Variants in PARPBP observed in about 807,000 individuals in gnomAD.
PARPBP encodes PCNA-interacting partner.
Under a neutral mutation model 50.0 loss-of-function variants are expected in PARPBP, and 52 were observed. That is an observed-to-expected ratio of 1.04 (90% CI 0.83 to 1.31). The LOEUF (loss-of-function observed/expected upper bound fraction) is 1.31, where lower values mean the gene tolerates loss of function less well. Among genes scored for constraint, PARPBP ranks in the 50% most tolerant of loss-of-function variants. The probability of loss-of-function intolerance (pLI) is 0.00; values close to 1 mark genes in which losing one functional copy is unlikely to be tolerated. For synonymous variants in PARPBP, 244 were observed against 232.1 expected, an observed-to-expected ratio of 1.05 and a Z score of -0.47; for missense variants, 697 against 672.0, an observed-to-expected ratio of 1.04 and a Z score of -0.41.
chr12:102,165,941 AATTGGG>A, intron 6 of PARPBP, 58 bp downstream of exon 6: 1 of 1,152,608 alleles, frequency 8.7e-7, no homozygotes, highest in Non-Finnish European at 1.3e-6. Flanking sequence ...AACTTTACAG[AATTGGG>A]TAGAAATAAG....
chr12:102,122,865 C>T (rs924233107), intron 1 of PARPBP, among the ~76,000 whole-genome samples: 2 of 152,170 alleles, frequency 1.3e-5, no homozygotes, highest in Non-Finnish European at 2.9e-5. Flanking sequence ...CAATATTAAG[C>T]TTTTGAAAAG....
chr12:102,165,618 C>A, intron 5 of PARPBP, 111 bp from the exon 6 acceptor site: 2 of 802,564 alleles, frequency 2.5e-6, no homozygotes, highest in Non-Finnish European at 4.1e-6. Flanking sequence ...ATAAAATGTG[C>A]TTCACTTTTA....
intron 3 of PARPBP, chr12:102,151,511 C>T (rs1886200632): frequency 8.3e-7 from 1 of 1,200,904 alleles, no homozygotes. Flanking sequence ...TGAATGGGGT[C>T]CTTTGGGTGG....
At chr12:102,190,810 A>T (rs1190809138) in intron 9 of PARPBP, among the ~76,000 whole-genome samples, 6 of 152,138 alleles carry the variant, frequency 3.9e-5, no homozygotes, top group African/African-American at 9.7e-5. Context: ...CAAGTGGATT[A>T]TATGGTATAT....
intron 2 of PARPBP, among the ~76,000 whole-genome samples, chr12:102,135,272 T>C (rs963869086): frequency 6.6e-6 from 1 of 152,034 alleles, no homozygotes; most frequent in Non-Finnish European, 1.5e-5. Flanking sequence ...GGGCCGGGCA[T>C]GGTGGCTCAC....
In PARPBP at chr12:102,165,739, C is replaced by T. The variant is rs768132437; in HGVS notation, c.677C>T (p.Ser226Phe). The change falls in exon 6 of 11, where the codon TCT (serine) becomes TTT (phenylalanine). Residue 226 changes from serine (S) to phenylalanine (F), a missense_variant. Transcript: ENST00000327680. ...TGTTTTAATTCATAGGTGGCCACGT[C>T]TTTTATTAGAACAATAGAGCTTGGA... ...KQMSIFLVAT[S>F]FIRTIELGGK... 6.2e-7 allele frequency: 1 copy of T among 1,603,968 alleles called. No homozygotes were observed. Among genetic ancestry groups the T allele is most frequent in the Non-Finnish European group, 8.5e-7 (1 of 1,176,170 alleles).
chr12:102,164,614 G>T lies in PARPBP; in HGVS notation c.666+6G>T. On this transcript the variant is annotated splice_donor_region_variant and intron_variant, in intron 5 of 10. Transcript: ENST00000327680. The stretch of plus-strand genomic sequence containing the variant: ...AACAAATGTCTATCTTTTTGGTATG[G>T]TTGTGTGACATGTTCAAAATTAAGA... 6.2e-7 allele frequency: 1 copy of T among 1,612,284 alleles called. No homozygotes were observed. Among genetic ancestry groups the T allele is most frequent in the Non-Finnish European group, 8.5e-7 (1 of 1,178,660 alleles).
chr12:102,196,548 G>A lies in PARPBP; in HGVS notation c.*257G>A, dbSNP rs1370094996. ...CTTAACACTACTTTCTTTTAAAACA[G>A]ACATTTAACATACACAAGTTATAGT... On this transcript the variant is annotated 3_prime_UTR_variant, in exon 11 of 11. Coordinates refer to ENST00000327680, the MANE Select transcript of PARPBP (RefSeq NM_017915.5). 2 of 866,790 alleles carry A rather than the reference G, an allele frequency of 2.3e-6. No homozygotes were observed. Among genetic ancestry groups the A allele is most frequent in the South Asian group, 1.4e-5 (1 of 71,856 alleles). The allele number at this position is 866,790 out of a possible 1,614,324, so 53.7% of individuals were successfully genotyped here. A position where few individuals can be genotyped will look rare whatever the true frequency, so the allele number is the denominator to read the frequency against.
chr12:102,124,174 A>C (rs772380560), intron 2 of PARPBP, 133 bp downstream of exon 2: 3 of 656,460 alleles, frequency 4.6e-6, no homozygotes, highest in Non-Finnish European at 5.3e-6. Flanking sequence ...CACCATTTTC[A>C]CAAATGCCTC....
intron 2 of PARPBP, among the ~76,000 whole-genome samples, chr12:102,124,719 GAGA>G (rs934551097): frequency 6.6e-6 from 1 of 152,214 alleles, no homozygotes; most frequent in African/African-American, 2.4e-5. Flanking sequence ...GGCTTGACTA[GAGA>G]AGAGGATTTT....
In PARPBP at chr12:102,124,046, G is replaced by T. The variant is rs1194552092; in HGVS notation, c.153+5G>T. On this transcript the variant is annotated splice_donor_5th_base_variant and intron_variant, in intron 2 of 10. Coordinates refer to ENST00000327680, the MANE Select transcript of PARPBP (RefSeq NM_017915.5). ...ATGGCGGAGAACAACAAACAGGTTG[G>T]TAAACTATATTTGGGTTAACTTGTT... is the stretch of plus-strand genomic sequence containing the variant. 6.5e-7 allele frequency: 1 copy of T among 1,531,542 alleles called. No individual in the cohort carries two copies. Among genetic ancestry groups the T allele is most frequent in the East Asian group, 2.5e-5 (1 of 40,796 alleles). The allele number at this position is 1,531,542 out of a possible 1,614,324, so 94.9% of individuals were successfully genotyped here.
intron 6 of PARPBP, among the ~76,000 whole-genome samples, chr12:102,174,070 A>G (rs571514580): frequency 2.4e-4 from 36 of 152,020 alleles, no homozygotes; most frequent in African/African-American, 8.2e-4. Context: ...TACATCAATC[A>G]TCTCTTCTGT....
chr12:102,140,981 T>A (rs1406510846), intron 2 of PARPBP, among the ~76,000 whole-genome samples: 1 of 152,224 alleles, frequency 6.6e-6, no homozygotes, highest in Admixed American at 6.5e-5. Context: ...TGGAGAGTTC[T>A]GTAGATGTCT....
intron 4 of PARPBP, among the ~76,000 whole-genome samples, chr12:102,160,896 C>T (rs1448422104): frequency 2.6e-5 from 4 of 151,204 alleles, no homozygotes; most frequent in South Asian, 4.2e-4. Flanking sequence ...TGTGGTGAGC[C>T]GAGATCGTGT....
intron 9 of PARPBP, among the ~76,000 whole-genome samples, chr12:102,188,292 A>G (rs1890490703): frequency 6.6e-6 from 1 of 150,878 alleles, no homozygotes; most frequent in Admixed American, 6.6e-5. Context: ...TATTTGCCAT[A>G]TTTGGAAATA....
intron 4 of PARPBP, among the ~76,000 whole-genome samples, chr12:102,160,897 G>A (rs978298488): frequency 1.3e-5 from 2 of 151,488 alleles, no homozygotes; most frequent in Non-Finnish European, 2.9e-5. Context: ...GTGGTGAGCC[G>A]AGATCGTGTC....
intron 2 of PARPBP, among the ~76,000 whole-genome samples, chr12:102,134,313 T>C (rs1160328637): frequency 6.6e-6 from 1 of 150,506 alleles, no homozygotes; most frequent in South Asian, 2.1e-4. Context: ...CATAAAAGAC[T>C]ACTATGAACA....
At chr12:102,149,091 ATTTTTAG>A (rs1885845971) in intron 3 of PARPBP, 1 of 152,158 alleles carries the variant, frequency 6.6e-6, no homozygotes, top group African/African-American at 2.4e-5. Context: ...TGTTGGAAAT[ATTTTTAG>A]TTATTTGAAC....
At chr12:102,181,745 T>C (rs1889839951) in intron 8 of PARPBP, among the ~76,000 whole-genome samples, 1 of 152,208 alleles carries the variant, frequency 6.6e-6, no homozygotes, top group South Asian at 2.1e-4. Flanking sequence ...CTCTTCAGGC[T>C]GTTAGAACAA....
Sources: allele counts gnomAD v4.1 joint callset (sites outside exome capture counted in the v4.1 genomes callset), GRCh38; gene constraint gnomAD v4.1.1; transcripts MANE v1.5; gene names NCBI Gene and HGNC (gene_info 2026-07-23, HGNC 2026-07-21).